PTPRM: variants seen among roughly 807,000 people sequenced by gnomAD.
PTPRM encodes the protein receptor-type tyrosine-protein phosphatase mu.
Under a neutral mutation model 186.7 loss-of-function variants are expected in PTPRM, and 47 were observed. That is an observed-to-expected ratio of 0.25 (90% CI 0.20 to 0.32). The LOEUF is 0.32. PTPRM is among the 10% of genes least tolerant of loss of function. The probability of loss-of-function intolerance (pLI) is 1.00; values close to 1 mark genes in which losing one functional copy is unlikely to be tolerated. For synonymous variants in PTPRM, 668 were observed against 674.9 expected, an observed-to-expected ratio of 0.99 and a Z score of 0.16; for missense variants, 1,494 against 1,865.0, an observed-to-expected ratio of 0.80 and a Z score of 3.66.
At chr18:8,235,704 T>C (rs2094338458) in intron 14 of PTPRM, among the ~76,000 whole-genome samples, 1 of 152,126 alleles carries the variant, frequency 6.6e-6, no homozygotes, top group African/African-American at 2.4e-5. Flanking sequence ...AATATGTGCA[T>C]CCAGTGCTAC....
intron 2 of PTPRM, among the ~76,000 whole-genome samples, chr18:7,861,603 G>A (rs1226930749): frequency 2.6e-5 from 4 of 152,276 alleles, no homozygotes; most frequent in East Asian, 3.9e-4. Context: ...GAAAGCTTCT[G>A]TTAGGAGGTT....
At chr18:8,225,247 T>C (rs1297882331) in intron 14 of PTPRM, among the ~76,000 whole-genome samples, 2 of 152,212 alleles carry the variant, frequency 1.3e-5, no homozygotes, top group Non-Finnish European at 2.9e-5. Context: ...GTTGGTGCCT[T>C]AGGATTTTGT....
chr18:8,301,067 A>G (rs2095152430), intron 20 of PTPRM, among the ~76,000 whole-genome samples: 1 of 152,228 alleles, frequency 6.6e-6, no homozygotes, highest in Non-Finnish European at 1.5e-5. Context: ...TCTGCTTCCT[A>G]GAGCCTCGGA....
At chr18:7,832,770 T>C (rs2045825833) in intron 2 of PTPRM, among the ~76,000 whole-genome samples, 1 of 152,238 alleles carries the variant, frequency 6.6e-6, no homozygotes, top group Non-Finnish European at 1.5e-5. Flanking sequence ...TTGAAGTCTT[T>C]AATCCATTTT....
At chr18:8,121,462 T>C (rs1408978079) in intron 13 of PTPRM, among the ~76,000 whole-genome samples, 1 of 152,220 alleles carries the variant, frequency 6.6e-6, no homozygotes, top group Non-Finnish European at 1.5e-5. Flanking sequence ...AATATCTGTG[T>C]GTCATTAATG....
chr18:8,257,910 C>T (rs191134579), intron 19 of PTPRM, among the ~76,000 whole-genome samples: 355 of 152,168 alleles, frequency 2.3e-3, no homozygotes, highest in African/African-American at 8.1e-3. Context: ...ATCAAGTAGC[C>T]GACAGAAGTA....
chr18:8,369,347 A>G (rs2095650549), intron 23 of PTPRM, among the ~76,000 whole-genome samples: 1 of 152,252 alleles, frequency 6.6e-6, no homozygotes, highest in South Asian at 2.1e-4. Context: ...GGGATTACAC[A>G]TTGAGAGAGT....
At chr18:7,655,335 C>T (rs1309550912) in intron 1 of PTPRM, among the ~76,000 whole-genome samples, 7 of 152,150 alleles carry the variant, frequency 4.6e-5, no homozygotes, top group Admixed American at 4.6e-4. Flanking sequence ...GCTACGATTA[C>T]AGGCATGAGC....
At chr18:7,853,797 A>G (rs1197997565) in intron 2 of PTPRM, among the ~76,000 whole-genome samples, 3 of 152,204 alleles carry the variant, frequency 2.0e-5, no homozygotes. Context: ...GTCCACCAAG[A>G]TAAACAGCTT....
At chr18:7,752,289 G>C (rs1438334193) in intron 1 of PTPRM, among the ~76,000 whole-genome samples, 2 of 152,136 alleles carry the variant, frequency 1.3e-5, no homozygotes, top group Non-Finnish European at 2.9e-5. Flanking sequence ...GATTCTGAAT[G>C]TCATTTGAGC....
chr18:7,675,010 T>C (rs2039302738), intron 1 of PTPRM, among the ~76,000 whole-genome samples: 1 of 152,240 alleles, frequency 6.6e-6, no homozygotes, highest in African/African-American at 2.4e-5. Flanking sequence ...TAGCCTGTGA[T>C]TCTTGTAAAG....
intron 7 of PTPRM, among the ~76,000 whole-genome samples, chr18:8,029,611 T>C (rs4461180): frequency 0.083 from 12,701 of 152,308 alleles, 619 homozygotes; most frequent in South Asian, 0.12. Context: ...GTGTACTCTT[T>C]TGTATCTTGT....
At chr18:8,299,477 C>A (rs2147903339) in intron 20 of PTPRM, among the ~76,000 whole-genome samples, 1 of 151,912 alleles carries the variant, frequency 6.6e-6, no homozygotes, top group East Asian at 1.9e-4. Context: ...ATCCCAGCTA[C>A]TCGGGAGGCT....
At chr18:8,218,768 C>T (rs1337334946) in intron 14 of PTPRM, among the ~76,000 whole-genome samples, 1 of 152,216 alleles carries the variant, frequency 6.6e-6, no homozygotes, top group African/African-American at 2.4e-5. Flanking sequence ...CAGTGCCCGC[C>T]TTGACATTTC....
In PTPRM at chr18:8,102,372, G is replaced by A. The variant is rs956116763; in HGVS notation, c.1857-11114G>A. On this transcript the variant is annotated intron_variant, in intron 11 of 32. Transcript: ENST00000580170. ...GTTGGATAGCATTTTACCCATAGTA[G>A]AACTTCTTTCAAAATTGGAGTCAAT... 4.6e-5 allele frequency among the ~76,000 whole-genome samples: 7 copies of A among 152,196 alleles called. No individual in the cohort carries two copies. In the East Asian group the frequency reaches 1.3e-3, roughly 29 times the overall value.
chr18:8,300,655 AT>A (rs2095147032), intron 20 of PTPRM, among the ~76,000 whole-genome samples: 1 of 152,142 alleles, frequency 6.6e-6, no homozygotes, highest in South Asian at 2.1e-4. Flanking sequence ...GTTTCTGGGC[AT>A]TGCGGTGGGC....
chr18:7,632,380 G>A (rs900428902), intron 1 of PTPRM, among the ~76,000 whole-genome samples: 1 of 152,232 alleles, frequency 6.6e-6, no homozygotes, highest in Admixed American at 6.5e-5. Context: ...TGCACAGATA[G>A]TAAGGGTAAA....
chr18:7,787,814 A>G (rs908801815), intron 2 of PTPRM, among the ~76,000 whole-genome samples: 1 of 152,208 alleles, frequency 6.6e-6, no homozygotes, highest in South Asian at 2.1e-4. Flanking sequence ...CAAGTGGGTA[A>G]TATCTACTTC....
intron 7 of PTPRM, among the ~76,000 whole-genome samples, chr18:8,034,301 C>T (rs1357385269): frequency 6.6e-6 from 1 of 152,092 alleles, no homozygotes; most frequent in Non-Finnish European, 1.5e-5. Flanking sequence ...CTAAAAGTCT[C>T]AACCCACTAT....
Sources: gnomAD v4.1 joint callset for allele counts (sites outside exome capture counted in the v4.1 genomes callset) on GRCh38, gnomAD v4.1.1 for gene constraint, MANE v1.5 for transcripts, NCBI Gene and HGNC (gene_info 2026-07-23, HGNC 2026-07-21) for gene names.